Variants in MED13L observed in about 807,000 individuals in gnomAD.
The protein encoded by MED13L is mediator of RNA polymerase II transcription subunit 13-like.
A neutral mutation model predicts 220.9 loss-of-function variants in MED13L; 7 were observed. The ratio of observed to expected loss-of-function variants is 0.03; its 90% CI spans 0.02 to 0.06. The LOEUF is 0.06. MED13L is among the 10% of genes least tolerant of loss of function. MED13L has a pLI of 1.00. For synonymous variants in MED13L, 1,011 were observed against 1,015.2 expected (o/e 1.00, Z 0.08); for missense variants, 1,965 against 2,760.5 (o/e 0.71, Z 6.46).
At position 116,145,248 on chromosome 12, in the gene MED13L, C is replaced by A. The variant is rs1217706175; in HGVS notation, c.311-33736G>T. The stretch of plus-strand genomic sequence containing the variant: ...AAATCCTTAACAAGGAATCCTGATA[C>A]TCAATCTCTATGCACATCACTACAT... On this transcript the variant is annotated intron_variant, in intron 2 of 30. Transcript: ENST00000281928. Among the ~76,000 whole-genome samples the A allele has an allele frequency of 1.3e-5, 2 of 152,182 alleles. 1 individual carries two copies. The highest frequency in any genetic ancestry group is 2.9e-5 in the Non-Finnish European group (2 of 68,030).
intron 2 of MED13L, among the ~76,000 whole-genome samples, chr12:116,143,150 C>A (rs1877218662): frequency 6.6e-6 from 1 of 152,018 alleles, no homozygotes; most frequent in Non-Finnish European, 1.5e-5. Context: ...TTACTGTTTA[C>A]ATACTGTAGA....
intron 2 of MED13L, among the ~76,000 whole-genome samples, chr12:116,139,420 C>T (rs896715222): frequency 6.6e-6 from 1 of 152,044 alleles, no homozygotes. Context: ...GAAAATACTG[C>T]CTTTCAGGGG....
At chr12:115,968,580 T>C (rs1876362436) in intron 28 of MED13L, among the ~76,000 whole-genome samples, 1 of 152,178 alleles carries the variant, frequency 6.6e-6, no homozygotes, top group Non-Finnish European at 1.5e-5. Flanking sequence ...GTACGGTTGT[T>C]GTACTAATCT....
intron 4 of MED13L, among the ~76,000 whole-genome samples, chr12:116,079,600 G>GTGATCACCGCTCATTGCAGCCT (rs1565866649): frequency 6.6e-6 from 1 of 151,720 alleles, no homozygotes; most frequent in Non-Finnish European, 1.5e-5. Flanking sequence ...GTACAGTGGC[G>GTGATCACCGCTCATTGCAGCCT]TGATCACCGC....
chr12:116,076,749 G>T (rs1202667095), intron 4 of MED13L, among the ~76,000 whole-genome samples: 1 of 152,076 alleles, frequency 6.6e-6, no homozygotes, highest in Non-Finnish European at 1.5e-5. Flanking sequence ...TAATCTTTAA[G>T]TATCAAGACC....
chr12:116,196,536 A>T (rs1881637825), intron 2 of MED13L, among the ~76,000 whole-genome samples: 1 of 152,214 alleles, frequency 6.6e-6, no homozygotes, highest in South Asian at 2.1e-4. Flanking sequence ...GGGGTAGAAG[A>T]GTACTAGAAT....
chr12:116,114,300 T>G (rs1874337182), intron 2 of MED13L, among the ~76,000 whole-genome samples: 1 of 152,218 alleles, frequency 6.6e-6, no homozygotes, highest in African/African-American at 2.4e-5. Context: ...CTCAAATACT[T>G]TGTCAACTGA....
At chr12:116,165,065 T>C (rs1357361847) in intron 2 of MED13L, among the ~76,000 whole-genome samples, 1 of 152,158 alleles carries the variant, frequency 6.6e-6, no homozygotes, top group Non-Finnish European at 1.5e-5. Flanking sequence ...TGCTTTTGGA[T>C]TATGAGTCAG....
chr12:116,270,168 ACT>A (rs1224889479), intron 1 of MED13L, among the ~76,000 whole-genome samples: 1 of 150,498 alleles, frequency 6.6e-6, no homozygotes, highest in Non-Finnish European at 1.5e-5. Flanking sequence ...TTTGAGACAG[ACT>A]CTCGCTCTGT....
At chr12:116,029,179 G>A (rs1880573763) in intron 4 of MED13L, among the ~76,000 whole-genome samples, 1 of 146,434 alleles carries the variant, frequency 6.8e-6, no homozygotes, top group Non-Finnish European at 1.5e-5. Flanking sequence ...AATAAATAAG[G>A]AACTAAGAAA....
At chr12:116,098,996 T>C (rs1872841978) in intron 3 of MED13L, among the ~76,000 whole-genome samples, 1 of 152,204 alleles carries the variant, frequency 6.6e-6, no homozygotes, top group Admixed American at 6.5e-5. Flanking sequence ...TCTGCAATAA[T>C]ATTATCAATA....
intron 4 of MED13L, among the ~76,000 whole-genome samples, chr12:116,045,859 C>G (rs1358545801): frequency 6.6e-6 from 1 of 151,650 alleles, no homozygotes; most frequent in African/African-American, 2.4e-5. Context: ...TCACCAATAA[C>G]AAGACATATT....
chr12:116,202,026 G>C (rs555856031), intron 2 of MED13L, among the ~76,000 whole-genome samples: 1 of 152,302 alleles, frequency 6.6e-6, no homozygotes, highest in African/African-American at 2.4e-5. Flanking sequence ...AGATGTTGCT[G>C]CCTATGCCAT....
intron 4 of MED13L, among the ~76,000 whole-genome samples, chr12:116,063,811 AT>A (rs1193032738): frequency 6.6e-6 from 1 of 152,302 alleles, no homozygotes; most frequent in South Asian, 2.1e-4. Context: ...TGGTAGAGTC[AT>A]CCCACTGTAC....
intron 2 of MED13L, among the ~76,000 whole-genome samples, chr12:116,144,172 C>CATT (rs1439529621): frequency 6.6e-6 from 1 of 152,182 alleles, no homozygotes; most frequent in Middle Eastern, 3.2e-3. Context: ...ATACTCACAC[C>CATT]ATTAACTCAT....
At chr12:115,961,470 T>C (rs1875750465) in intron 30 of MED13L, 72 bp from the exon 31 acceptor site, 2 of 1,582,632 alleles carry the variant, frequency 1.3e-6, no homozygotes, top group East Asian at 2.2e-5. Flanking sequence ...TTCTAATACA[T>C]TCCAGATCTT....
chr12:116,204,872 T>G (rs1882216494), intron 2 of MED13L, among the ~76,000 whole-genome samples: 1 of 152,206 alleles, frequency 6.6e-6, no homozygotes, highest in Non-Finnish European at 1.5e-5. Context: ...ATGTGTTCCC[T>G]TTCAGAATTT....
chr12:115,983,131 C>T lies in MED13L; in HGVS notation c.4941G>A (p.Gln1647=), dbSNP rs1406825456. ...GAATAACATACCTCTCTTGTCCATC[C>T]TGTGAGGGCTGAGAAGAGCTCTGCC... ...DPGQSSSQPS[Q]DGQESVTERE... The change falls in exon 21 of 31, where the codon CAG becomes CAA. Residue 1647 remains glutamine, a synonymous_variant. Coordinates refer to ENST00000281928, the MANE Select transcript of MED13L (RefSeq NM_015335.5). 1 of 1,614,010 alleles carries T rather than the reference C, an allele frequency of 6.2e-7. No homozygotes were observed. Among genetic ancestry groups the T allele is most frequent in the Non-Finnish European group, 8.5e-7 (1 of 1,179,928 alleles).
At position 116,021,618 on chromosome 12, in the gene MED13L, T is replaced by C. The variant is rs1880064202; in HGVS notation, c.625+838A>G. ...TGCTCATGACAGGCTTTTACAGCAA[T>C]TATAATATTTTAGTCAAGTCTGTTA... On this transcript the variant is annotated intron_variant, in intron 5 of 30. Transcript: ENST00000281928. Among the ~76,000 whole-genome samples the C allele has an allele frequency of 2.0e-5, 3 of 152,166 alleles. No homozygotes were observed. In the South Asian group the frequency reaches 6.2e-4, roughly 32 times the overall value.
Sources: gnomAD v4.1 joint callset for allele counts (sites outside exome capture counted in the v4.1 genomes callset) on GRCh38, gnomAD v4.1.1 for gene constraint, MANE v1.5 for transcripts, NCBI Gene and HGNC (gene_info 2026-07-23, HGNC 2026-07-21) for gene names.